The following ZAN variants were observed in gnomAD, a reference collection of about 807,000 sequenced individuals.
ZAN encodes the protein zonadhesin (gene/pseudogene).
In ZAN, 260 loss-of-function variants were observed where a neutral mutation model predicts 286.2. The ratio of observed to expected loss-of-function variants is 0.91; its 90% CI spans 0.82 to 1.01. The LOEUF is 1.01. ZAN is among the 50% of genes least tolerant of loss of function. The probability of loss-of-function intolerance (pLI) is 0.00; values close to 1 mark genes in which losing one functional copy is unlikely to be tolerated. For synonymous variants in ZAN, 1,368 were observed against 1,417.5 expected, an observed-to-expected ratio of 0.97 and a Z score of 0.79; for missense variants, 3,410 against 3,639.2, an observed-to-expected ratio of 0.94 and a Z score of 1.62.
chr7:100,767,281 T>C, intron 25 of ZAN, 24 bp downstream of exon 25: 1 of 1,592,284 alleles, frequency 6.3e-7, no homozygotes, highest in Non-Finnish European at 8.5e-7. Flanking sequence ...TCCTGCCTCC[T>C]GGACCCTGAA....
chr7:100,775,250 G>A (rs2116156641), intron 31 of ZAN, 78 bp from the exon 32 acceptor site: 4 of 1,524,260 alleles, frequency 2.6e-6, no homozygotes, highest in Non-Finnish European at 3.5e-6. Context: ...AAGGCAGGGA[G>A]AACCCAGGAC....
Position 100,759,715 on chromosome 7 carries a change from A to G in ZAN, c.3572-6A>G. 1 of 1,580,290 alleles carries G rather than the reference A, an allele frequency of 6.3e-7. No homozygotes were observed. Among genetic ancestry groups the G allele is most frequent in the Non-Finnish European group, 8.6e-7 (1 of 1,163,170 alleles). ...CTGGGCTCTCTTCATTCCTCTCCCTACCCAGACCCATTCTTCAGGGTGACA... is the reference window on the plus strand; with the variant it reads ...CTGGGCTCTCTTCATTCCTCTCCCTGCCCAGACCCATTCTTCAGGGTGACA... On this transcript the variant is annotated splice_region_variant and splice_polypyrimidine_tract_variant and intron_variant, in intron 17 of 47. Transcript: ENST00000613979.
chr7:100,746,740 G>T, intron 8 of ZAN, 38 bp downstream of exon 8: 1 of 1,606,138 alleles, frequency 6.2e-7, no homozygotes, highest in Non-Finnish European at 8.5e-7. Context: ...CACTGATCTG[G>T]GCGCATCTCC....
At position 100,747,649 on chromosome 7, in the gene ZAN, G is replaced by A; in HGVS notation, c.1023+8G>A. On this transcript the variant is annotated splice_region_variant and intron_variant, in intron 9 of 47. Transcript: ENST00000613979. The stretch of plus-strand genomic sequence containing the variant: ...GCCGTGGGACGGATACAGGTACAGA[G>A]AAGCAAGGGGTCAGGTCCTTGCACA... 6.2e-7 allele frequency: 1 copy of A among 1,613,086 alleles called. No individual in the cohort carries two copies. The highest frequency in any genetic ancestry group is 8.5e-7 in the Non-Finnish European group (1 of 1,179,238).
chr7:100,794,414 C>T (rs1258887059), intron 44 of ZAN, among the ~76,000 whole-genome samples, 156 bp downstream of exon 44: 2 of 152,172 alleles, frequency 1.3e-5, no homozygotes, highest in African/African-American at 4.8e-5. Flanking sequence ...AAAGATCTCC[C>T]GATCCCTAAG....
rs77599825 is a variant in ZAN at position 100,775,805 on chromosome 7, T to C, written c.6164T>C (p.Ile2055Thr). Reference protein sequence around the residue: ...VKFDGNHLLEIEIPTTYYGKV... With the variant: ...VKFDGNHLLETEIPTTYYGKV... ...TTTGACGGGAATCATCTCTTAGAGA[T>C]TGAAATCCCCACAACCTACTATGGA... The change falls in exon 33 of 48, where the codon ATT (isoleucine) becomes ACT (threonine). Residue 2055 changes from isoleucine (I) to threonine (T), a missense_variant. Physicochemically the swap from Ile to Thr is moderately conservative, Grantham distance 89. Around this residue, in one of 7 missense-constraint regions of ZAN, gnomAD observed 1,289 missense variants for 1,314.3 expected, o/e 0.98. Transcript: ENST00000613979. The C allele has an allele frequency of 1.9e-4, 302 of 1,613,772 alleles. 1 individual carries two copies. In the East Asian group the frequency reaches 6.6e-3, roughly 35 times the overall value.
At chr7:100,740,191 A>T (rs560755319) in intron 7 of ZAN, among the ~76,000 whole-genome samples, 1 of 141,552 alleles carries the variant, frequency 7.1e-6, no homozygotes, top group Non-Finnish European at 1.6e-5. Context: ...GCGGCAGATC[A>T]CATAGAGCCT....
intron 19 of ZAN, among the ~76,000 whole-genome samples, chr7:100,761,832 G>A (rs13232024): frequency 1.3e-5 from 2 of 150,912 alleles, no homozygotes; most frequent in Non-Finnish European, 3.0e-5. Flanking sequence ...CCAGCTACTC[G>A]GAAGGCTGAG....
Position 100,747,559 on chromosome 7 carries a change from G to C in ZAN, c.941G>C (p.Arg314Pro). The C allele has an allele frequency of 6.2e-7, 1 of 1,613,788 alleles. No homozygotes were observed. Among genetic ancestry groups the C allele is most frequent in the South Asian group, 1.1e-5 (1 of 91,080 alleles). ...HIYASVLGSI[R>P]KHTLFSGQPG... ...ATTCCTTTCACTGCAGGGAGTATCCGGAAACACACTCTCTTCTCAGGACAA... is the reference window on the plus strand; with the variant it reads ...ATTCCTTTCACTGCAGGGAGTATCCCGAAACACACTCTCTTCTCAGGACAA... The change falls in exon 9 of 48, where the codon CGG becomes CCG. Residue 314 changes from arginine (R) to proline (P), a missense_variant. By Grantham distance (103) the Arg-to-Pro change is moderately radical. Around this residue, in one of 7 missense-constraint regions of ZAN, gnomAD observed 872 missense variants for 938.9 expected, o/e 0.93. Coordinates refer to ENST00000613979, the MANE Select transcript of ZAN (RefSeq NM_003386.3).
In ZAN at chr7:100,765,435, T is replaced by C. The variant is rs778029632; in HGVS notation, c.4351T>C (p.Phe1451Leu). ...DTCHSGFSGM[F>L]CSDRCVEACE... is the part of the protein sequence containing the mutation. ...CTGCCATTCAGGATTCTCCGGCATGTTCTGCTCAGACCGGTGCGTGGAGGC... is the reference window on the plus strand; with the variant it reads ...CTGCCATTCAGGATTCTCCGGCATGCTCTGCTCAGACCGGTGCGTGGAGGC... The change falls in exon 23 of 48, where the codon TTC (phenylalanine) becomes CTC (leucine). Residue 1451 changes from phenylalanine (F) to leucine (L), a missense_variant. Physicochemically the swap from Phe to Leu is conservative, Grantham distance 22. Coordinates refer to ENST00000613979, the MANE Select transcript of ZAN (RefSeq NM_003386.3). The C allele has an allele frequency of 3.7e-6, 6 of 1,613,938 alleles. No individual in the cohort carries two copies. In the South Asian group the frequency reaches 6.6e-5, roughly 18 times the overall value.
intron 37 of ZAN, among the ~76,000 whole-genome samples, chr7:100,787,044 AGAGT>A (rs1370557733): frequency 6.6e-6 from 1 of 151,244 alleles, no homozygotes; most frequent in Non-Finnish European, 1.5e-5. Flanking sequence ...CCTGGGACAC[AGAGT>A]GAGATCTTGT....
rs938838171 is a variant in ZAN, at chr7:100,740,128, A to G, written c.766+1515A>G. 2.7e-4 allele frequency among the ~76,000 whole-genome samples: 38 copies of G among 140,068 alleles called. 5 individuals carry two copies. The highest frequency in any genetic ancestry group is 1.3e-4 in the Non-Finnish European group (8 of 62,616). The allele number at this position is 140,068 out of a possible 152,430, so 91.9% of individuals were successfully genotyped here. A position where few individuals can be genotyped will look rare whatever the true frequency, so the allele number is the denominator to read the frequency against. On this transcript the variant is annotated intron_variant, in intron 7 of 47. Transcript: ENST00000613979. ...TGTCGGGGAAGGAGGGGATCAAGGCACAGCAAAGAGCCATGTGGCCAGCAT... is the reference window on the plus strand; with the variant it reads ...TGTCGGGGAAGGAGGGGATCAAGGCGCAGCAAAGAGCCATGTGGCCAGCAT...
At chr7:100,765,994 G>GTT (rs1353133714) in intron 23 of ZAN, among the ~76,000 whole-genome samples, 2 of 141,196 alleles carry the variant, frequency 1.4e-5, no homozygotes, top group African/African-American at 2.7e-5. Flanking sequence ...TTTGGTTTTT[G>GTT]TTTTTTTTTT....
intron 39 of ZAN, 85 bp from the exon 40 acceptor site, chr7:100,790,857 T>A: frequency 2.2e-6 from 3 of 1,392,648 alleles, no homozygotes; most frequent in Non-Finnish European, 2.8e-6. Flanking sequence ...CACTCCAGCC[T>A]GGGCAACAGA....
chr7:100,762,419 CTTTT>C (rs869138443), intron 20 of ZAN, 61 bp downstream of exon 20: 21,111 of 1,005,896 alleles, frequency 0.021, 79 homozygotes, highest in East Asian at 0.041. Context: ...CTGGAACTCT[CTTTT>C]TTTTTTTTTT....
chr7:100,785,644 C>T (rs1305300957), intron 36 of ZAN, among the ~76,000 whole-genome samples: 3 of 151,386 alleles, frequency 2.0e-5, no homozygotes, highest in Non-Finnish European at 2.9e-5. Flanking sequence ...GAGAACTGGC[C>T]CTCCCCTCTT....
rs1410458125 is a variant in ZAN, at chr7:100,776,514, T to C, written c.6267T>C (p.Asn2089=). The change falls in exon 34 of 48, where the codon AAT becomes AAC. Residue 2089 remains asparagine (N), a synonymous_variant. Transcript: ENST00000613979. ...TGATGCCCAGCGATGAAGTAGCAAATAGTGACAGTGAATTTGTGAACAGTT... is the reference window on the plus strand; with the variant it reads ...TGATGCCCAGCGATGAAGTAGCAAACAGTGACAGTGAATTTGTGAACAGTT... ...ELMMPSDEVA[N]SDSEFVNSWK... is the part of the protein sequence containing the mutation. 3.2e-6 allele frequency: 5 copies of C among 1,580,154 alleles called. No homozygotes were observed. The Admixed American group carries it at 7.4e-5, about 23-fold the overall frequency.
intron 14 of ZAN, among the ~76,000 whole-genome samples, chr7:100,754,082 T>C (rs1196444659): frequency 6.6e-6 from 1 of 152,146 alleles, no homozygotes; most frequent in Admixed American, 6.6e-5. Flanking sequence ...CATGTGAGCC[T>C]TTGTGTTTGG....
At chr7:100,759,646 C>T in intron 17 of ZAN, 75 bp from the exon 18 acceptor site, 1 of 1,467,478 alleles carries the variant, frequency 6.8e-7, no homozygotes, top group Non-Finnish European at 9.1e-7. Context: ...CCTGCGGCGC[C>T]AGGCTCAGGG....
Sources: gnomAD v4.1 joint callset for allele counts (sites outside exome capture counted in the v4.1 genomes callset) on GRCh38, gnomAD v4.1.1 for gene constraint, gnomAD v4.1.1 regional missense constraint, MANE v1.5 for transcripts, NCBI Gene and HGNC (gene_info 2026-07-23, HGNC 2026-07-21) for gene names.